Variants in DCC observed in about 807,000 individuals in gnomAD.
DCC encodes the protein DCC netrin 1 receptor.
A neutral mutation model predicts 172.5 loss-of-function variants in DCC; 58 were observed. The observed-to-expected ratio is 0.34, with a 90% CI of 0.27 to 0.42. The LOEUF is 0.42. Ranked by LOEUF, DCC falls within the 10% of genes least tolerant of loss-of-function variation. DCC has a pLI of 1.00. For synonymous variants in DCC, 709 were observed against 644.5 expected, an observed-to-expected ratio of 1.10 and a Z score of -1.52; for missense variants, 1,740 against 1,791.0, an observed-to-expected ratio of 0.97 and a Z score of 0.51.
rs2043968470 is a variant in DCC, at chr18:53,149,552, C to T, written c.1262-7804C>T. Among the ~76,000 whole-genome samples, 3 of 152,294 alleles carry T rather than the reference C, an allele frequency of 2.0e-5. No individual in the cohort carries two copies. The South Asian group carries it at 6.2e-4, about 32-fold the overall frequency. On this transcript the variant is annotated intron_variant, in intron 7 of 28. Transcript: ENST00000442544. Reference sequence around the variant, plus strand: ...CCACCTCGCCAAGCTGCCTGTGGTACTTGCTGTATCTTCATAAACTCTTTA... The same window carrying T: ...CCACCTCGCCAAGCTGCCTGTGGTATTTGCTGTATCTTCATAAACTCTTTA...
rs564592590 is a variant in DCC, at chr18:52,516,206, A to G, written c.91+175328A>G. ...TGACAGGTTAAAAAAAAATTCAAAT[A>G]TCATACAGTTCAGCAGTTGTACTCC... On this transcript the variant is annotated intron_variant, in intron 1 of 28. Transcript: ENST00000442544. Among the ~76,000 whole-genome samples the G allele has an allele frequency of 6.6e-5, 10 of 152,320 alleles. No homozygotes were observed. In the South Asian group the frequency reaches 1.7e-3, roughly 25 times the overall value.
At chr18:52,668,485 A>T (rs1002020388) in intron 1 of DCC, among the ~76,000 whole-genome samples, 2 of 152,214 alleles carry the variant, frequency 1.3e-5, no homozygotes, top group Non-Finnish European at 2.9e-5. Context: ...AGTTCACAAG[A>T]TGATCTCTCA....
At chr18:52,688,947 G>T (rs1182583733) in intron 1 of DCC, among the ~76,000 whole-genome samples, 1 of 151,956 alleles carries the variant, frequency 6.6e-6, no homozygotes, top group Admixed American at 6.6e-5. Context: ...AAAGATTAAG[G>T]CATTGTGCAT....
intron 2 of DCC, among the ~76,000 whole-genome samples, chr18:52,812,723 A>G (rs1598828546): frequency 1.3e-5 from 2 of 152,362 alleles, no homozygotes; most frequent in Non-Finnish European, 1.5e-5. Flanking sequence ...AACTGGATGC[A>G]GGTAATGGGG....
At chr18:52,902,334 CTA>C (rs2039821841) in intron 2 of DCC, among the ~76,000 whole-genome samples, 1 of 152,168 alleles carries the variant, frequency 6.6e-6, no homozygotes, top group Non-Finnish European at 1.5e-5. Flanking sequence ...GATATTTTGA[CTA>C]TGTTTGGAAT....
intron 7 of DCC, among the ~76,000 whole-genome samples, chr18:53,128,830 TAC>T (rs1209652447): frequency 1.1e-3 from 99 of 86,954 alleles, no homozygotes; most frequent in African/African-American, 2.4e-3. Context: ...TGTATACACA[TAC>T]ACACACACAC....
intron 5 of DCC, among the ~76,000 whole-genome samples, chr18:53,000,541 T>C (rs1236253153): frequency 6.6e-6 from 1 of 151,902 alleles, no homozygotes; most frequent in African/African-American, 2.4e-5. Context: ...TGATCCTGTT[T>C]TTAATGCTGA....
intron 9 of DCC, among the ~76,000 whole-genome samples, chr18:53,202,422 A>T (rs530490176): frequency 6.6e-6 from 1 of 152,188 alleles, no homozygotes; most frequent in Admixed American, 6.5e-5. Flanking sequence ...AGATTCACAA[A>T]AGAGAAAAAT....
At chr18:52,575,557 A>G (rs2033388141) in intron 1 of DCC, among the ~76,000 whole-genome samples, 1 of 152,168 alleles carries the variant, frequency 6.6e-6, no homozygotes, top group African/African-American at 2.4e-5. Context: ...GTCACTAAAC[A>G]TGATTTCCTA....
At chr18:52,539,386 C>G (rs559606630) in intron 1 of DCC, among the ~76,000 whole-genome samples, 2 of 152,088 alleles carry the variant, frequency 1.3e-5, no homozygotes, top group Non-Finnish European at 2.9e-5. Context: ...AGGCCGTGGA[C>G]TAGTATTGGT....
At chr18:52,731,302 G>C (rs537118148) in intron 1 of DCC, among the ~76,000 whole-genome samples, 1 of 152,306 alleles carries the variant, frequency 6.6e-6, no homozygotes, top group East Asian at 1.9e-4. Context: ...TCACTCCAAA[G>C]TACAAATTAA....
At chr18:52,415,211 T>C (rs1373072111) in intron 1 of DCC, among the ~76,000 whole-genome samples, 1 of 152,192 alleles carries the variant, frequency 6.6e-6, no homozygotes. Context: ...TTTCATATAT[T>C]TTTTCAAATA....
At chr18:52,979,233 A>G (rs942697374) in intron 5 of DCC, among the ~76,000 whole-genome samples, 11 of 152,202 alleles carry the variant, frequency 7.2e-5, no homozygotes, top group African/African-American at 2.7e-4. Flanking sequence ...GAGATTAGTC[A>G]TTAAGGTAGT....
intron 2 of DCC, among the ~76,000 whole-genome samples, chr18:52,780,056 T>G (rs1366110786): frequency 1.3e-5 from 2 of 149,590 alleles, no homozygotes; most frequent in Non-Finnish European, 3.0e-5. Context: ...TACTTCATCG[T>G]GGCCTTTTAT....
At chr18:53,443,682 C>T (rs1417615896) in intron 22 of DCC, among the ~76,000 whole-genome samples, 6 of 152,134 alleles carry the variant, frequency 3.9e-5, no homozygotes, top group Non-Finnish European at 5.9e-5. Context: ...AAATTGAAAA[C>T]GTTTTGGAAA....
At chr18:53,397,164 C>T (rs564259620) in intron 17 of DCC, 144 bp from the exon 18 acceptor site, 31 of 725,328 alleles carry the variant, frequency 4.3e-5, no homozygotes, top group African/African-American at 1.4e-4. Flanking sequence ...GATGGGAATT[C>T]GAGTCAGTGC....
chr18:53,287,684 T>C (rs1383095992), intron 12 of DCC, among the ~76,000 whole-genome samples: 1 of 152,198 alleles, frequency 6.6e-6, no homozygotes, highest in Non-Finnish European at 1.5e-5. Flanking sequence ...ATTATGTGTT[T>C]TTAATCACAA....
chr18:52,505,508 C>A (rs1144051), intron 1 of DCC, among the ~76,000 whole-genome samples: 36,206 of 152,030 alleles, frequency 0.24, 4,458 homozygotes, highest in African/African-American at 0.29. Context: ...TGAATCTTCG[C>A]TAAACGGCAC....
At chr18:52,423,359 G>A (rs1312702322) in intron 1 of DCC, among the ~76,000 whole-genome samples, 1 of 152,122 alleles carries the variant, frequency 6.6e-6, no homozygotes, top group Admixed American at 6.6e-5. Context: ...TTGAAGCCTT[G>A]ACTCTGGCAG....
Sources: allele counts gnomAD v4.1 joint callset (sites outside exome capture counted in the v4.1 genomes callset), GRCh38; gene constraint gnomAD v4.1.1; transcripts MANE v1.5; gene names NCBI Gene and HGNC (gene_info 2026-07-23, HGNC 2026-07-21).